The following EPHA7 variants were observed in gnomAD, a reference collection of about 807,000 sequenced individuals.
EPHA7 encodes EPH receptor A7, also known as ephrin type-A receptor 7.
EPHA7 carries 25 observed loss-of-function variants against 112.6 expected under a neutral mutation model. That is an observed-to-expected ratio of 0.22 (90% confidence interval 0.16 to 0.31). The LOEUF is 0.31. Among genes scored for constraint, EPHA7 ranks in the 10% least tolerant of loss-of-function variants. The pLI is 1.00. For missense variants in EPHA7, 962 were observed against 1,212.6 expected (o/e 0.79, Z 3.07); for synonymous variants, 437 against 406.5 (o/e 1.07, Z -0.90).
intron 3 of EPHA7, among the ~76,000 whole-genome samples, chr6:93,392,167 A>T (rs1045973215): frequency 1.3e-5 from 2 of 152,010 alleles, no homozygotes; most frequent in African/African-American, 2.4e-5. Flanking sequence ...AGCAGTGAAG[A>T]GTAAACTCCA....
At chr6:93,251,073 G>A (rs1008085348) in intron 14 of EPHA7, among the ~76,000 whole-genome samples, 3 of 151,994 alleles carry the variant, frequency 2.0e-5, no homozygotes, top group Non-Finnish European at 4.4e-5. Flanking sequence ...TCTGTCCTCT[G>A]CTCAATACTC....
intron 3 of EPHA7, among the ~76,000 whole-genome samples, chr6:93,397,632 G>A (rs554184435): frequency 3.0e-4 from 46 of 151,926 alleles, no homozygotes; most frequent in African/African-American, 1.1e-3. Context: ...TCCATCAATC[G>A]ATGTCAACAT....
intron 5 of EPHA7, among the ~76,000 whole-genome samples, chr6:93,283,851 T>C (rs894787366): frequency 1.2e-4 from 19 of 152,350 alleles, no homozygotes; most frequent in African/African-American, 4.6e-4. Context: ...CACATGTTTA[T>C]GTGCATATGG....
At chr6:93,275,692 G>C (rs1259594546) in intron 5 of EPHA7, among the ~76,000 whole-genome samples, 1 of 151,928 alleles carries the variant, frequency 6.6e-6, no homozygotes, top group Non-Finnish European at 1.5e-5. Flanking sequence ...TAAATTTGAT[G>C]AAAGAGTAAA....
chr6:93,331,490 G>A (rs543152814), intron 5 of EPHA7, among the ~76,000 whole-genome samples: 2 of 150,328 alleles, frequency 1.3e-5, no homozygotes, highest in African/African-American at 4.9e-5. Flanking sequence ...ACCAAACCTA[G>A]ACATGAGTCT....
intron 9 of EPHA7, 70 bp from the exon 10 acceptor site, chr6:93,259,549 C>T: frequency 6.3e-7 from 1 of 1,578,140 alleles, no homozygotes; most frequent in Admixed American, 1.7e-5. Context: ...CCAGGAATTT[C>T]ATTATGCAGA....
intron 5 of EPHA7, among the ~76,000 whole-genome samples, chr6:93,328,187 C>T (rs1774415863): frequency 6.6e-6 from 1 of 151,478 alleles, no homozygotes; most frequent in Non-Finnish European, 1.5e-5. Context: ...CCAATAAAGC[C>T]TTTCCTGGAA....
At chr6:93,351,930 TGAG>T (rs1467487420) in intron 5 of EPHA7, among the ~76,000 whole-genome samples, 1 of 152,102 alleles carries the variant, frequency 6.6e-6, no homozygotes, top group Non-Finnish European at 1.5e-5. Flanking sequence ...GTGTACCACT[TGAG>T]GAGAAAATTC....
At chr6:93,391,953 A>G (rs971233841) in intron 3 of EPHA7, among the ~76,000 whole-genome samples, 1 of 151,936 alleles carries the variant, frequency 6.6e-6, no homozygotes, top group South Asian at 2.1e-4. Context: ...AATTCTTTGG[A>G]GCATATCAGA....
intron 3 of EPHA7, among the ~76,000 whole-genome samples, chr6:93,380,706 TA>T (rs1274905535): frequency 6.6e-6 from 1 of 152,090 alleles, no homozygotes; most frequent in African/African-American, 2.4e-5. Context: ...CCAAGTGAGG[TA>T]ACAGGCAGAA....
At chr6:93,404,576 A>G (rs1190936501) in intron 3 of EPHA7, among the ~76,000 whole-genome samples, 1 of 150,638 alleles carries the variant, frequency 6.6e-6, no homozygotes, top group Non-Finnish European at 1.5e-5. Context: ...ACAAACTTAT[A>G]TAAGATATAT....
intron 5 of EPHA7, among the ~76,000 whole-genome samples, chr6:93,328,976 C>A: frequency 6.6e-6 from 1 of 151,126 alleles, no homozygotes; most frequent in East Asian, 1.9e-4. Context: ...ATGAATTAAC[C>A]AAAACTGCAT....
At chr6:93,398,296 A>G (rs1778276337) in intron 3 of EPHA7, among the ~76,000 whole-genome samples, 1 of 151,964 alleles carries the variant, frequency 6.6e-6, no homozygotes, top group African/African-American at 2.4e-5. Context: ...ATCTTGGCTG[A>G]GTTCCTTTAC....
intron 3 of EPHA7, among the ~76,000 whole-genome samples, chr6:93,358,647 G>A (rs928363552): frequency 5.3e-5 from 8 of 152,214 alleles, no homozygotes; most frequent in South Asian, 2.1e-4. Context: ...TTGGCACCAG[G>A]CCAAAGTCTG....
At chr6:93,243,631 T>C in intron 16 of EPHA7, 91 bp from the exon 17 acceptor site, 2 of 841,506 alleles carry the variant, frequency 2.4e-6, no homozygotes, top group South Asian at 1.4e-5. Flanking sequence ...AAATACGTTA[T>C]CTTAGCCAAA....
chr6:93,245,274 A>G (rs1408165394), intron 16 of EPHA7, 24 bp downstream of exon 16: 21 of 1,599,726 alleles, frequency 1.3e-5, no homozygotes, highest in Non-Finnish European at 1.4e-5. Context: ...ATCCTTAAAT[A>G]CAATTTTAAG....
At chr6:93,307,757 T>C (rs1010995873) in intron 5 of EPHA7, among the ~76,000 whole-genome samples, 1 of 152,216 alleles carries the variant, frequency 6.6e-6, no homozygotes, top group Non-Finnish European at 1.5e-5. Flanking sequence ...TTTAATTCCC[T>C]AATGAGTGGA....
At chr6:93,254,604 T>G (rs1770355354) in intron 14 of EPHA7, 43 bp downstream of exon 14, 3 of 1,551,126 alleles carry the variant, frequency 1.9e-6, no homozygotes, top group Non-Finnish European at 2.6e-6. Flanking sequence ...TACTGGCCAT[T>G]AATGTATTCA....
chr6:93,294,644 A>G (rs912362953), intron 5 of EPHA7, among the ~76,000 whole-genome samples: 2 of 152,136 alleles, frequency 1.3e-5, no homozygotes, highest in Non-Finnish European at 2.9e-5. Flanking sequence ...AATATATAAC[A>G]TGTATAATCA....
Sources: allele counts gnomAD v4.1 joint callset (sites outside exome capture counted in the v4.1 genomes callset), GRCh38; gene constraint gnomAD v4.1.1; transcripts MANE v1.5; gene names NCBI Gene and HGNC (gene_info 2026-07-23, HGNC 2026-07-21).